Variants in SOX5 observed in about 807,000 individuals in gnomAD.
The protein encoded by SOX5 is SRY-box transcription factor 5.
A neutral mutation model predicts 92.0 loss-of-function variants in SOX5; 9 were observed. The observed-to-expected ratio is 0.10, with a 90% CI of 0.06 to 0.17. The LOEUF (loss-of-function observed/expected upper bound fraction) is 0.17, where lower values mean the gene tolerates loss of function less well. Ranked by LOEUF, SOX5 falls within the 10% of genes least tolerant of loss-of-function variation. The probability of loss-of-function intolerance (pLI) is 1.00; values close to 1 mark genes in which losing one functional copy is unlikely to be tolerated. For missense variants in SOX5, 642 were observed against 944.5 expected, an observed-to-expected ratio of 0.68 and a Z score of 4.20; for synonymous variants, 344 against 336.3, an observed-to-expected ratio of 1.02 and a Z score of -0.25.
intron 9 of SOX5, among the ~76,000 whole-genome samples, chr12:23,600,544 TATATATATACAC>T (rs895231855): frequency 6.4e-5 from 8 of 124,476 alleles, no homozygotes; most frequent in South Asian, 2.5e-4. Flanking sequence ...TATATATATA[TATATATATACAC>T]ATACTTGGCT....
intron 4 of SOX5, among the ~76,000 whole-genome samples, chr12:24,011,604 A>G (rs997423989): frequency 4.6e-5 from 7 of 152,174 alleles, no homozygotes; most frequent in Non-Finnish European, 8.8e-5. Flanking sequence ...CTTTGTGGTA[A>G]AAACCTCTTG....
intron 3 of SOX5, among the ~76,000 whole-genome samples, chr12:24,264,372 C>T (rs899360994): frequency 6.6e-6 from 1 of 151,848 alleles, no homozygotes; most frequent in African/African-American, 2.4e-5. Context: ...TATATTTTTC[C>T]TAAAATGTAA....
At chr12:24,132,484 T>C (rs929199771) in intron 4 of SOX5, among the ~76,000 whole-genome samples, 2 of 152,184 alleles carry the variant, frequency 1.3e-5, no homozygotes, top group African/African-American at 4.8e-5. Flanking sequence ...CAGGACTAAA[T>C]GTCCATCGAT....
At chr12:24,197,289 G>A (rs545506720) in intron 4 of SOX5, among the ~76,000 whole-genome samples, 1 of 152,280 alleles carries the variant, frequency 6.6e-6, no homozygotes, top group African/African-American at 2.4e-5. Flanking sequence ...CAGAAGATGA[G>A]TGCCCTTCCA....
At chr12:23,778,071 G>C (rs2095163613) in intron 3 of SOX5, among the ~76,000 whole-genome samples, 1 of 152,136 alleles carries the variant, frequency 6.6e-6, no homozygotes, top group Non-Finnish European at 1.5e-5. Context: ...AATGACAAGG[G>C]CATGATAGTC....
intron 1 of SOX5, among the ~76,000 whole-genome samples, chr12:23,903,945 C>T (rs1234188803): frequency 6.6e-6 from 1 of 152,190 alleles, no homozygotes; most frequent in Non-Finnish European, 1.5e-5. Context: ...ACAACAAACA[C>T]TTTTATTTGA....
chr12:23,817,286 A>G (rs1451410060), intron 3 of SOX5, among the ~76,000 whole-genome samples: 1 of 152,196 alleles, frequency 6.6e-6, no homozygotes, highest in East Asian at 1.9e-4. Flanking sequence ...CAACTTTCCA[A>G]GCATCTTTCT....
rs927361691 is a variant in SOX5 at position 24,212,388 on chromosome 12, C to T, written c.-2+955G>A. Reference sequence around the variant, plus strand: ...CACACTGAAGGACAAAGACATTTATCTCTCTGTATAATGAAAACTGAAAAA... The same window carrying T: ...CACACTGAAGGACAAAGACATTTATTTCTCTGTATAATGAAAACTGAAAAA... On this transcript the variant is annotated intron_variant, in intron 4 of 4. Transcript: ENST00000446891. 3 of 532,876 alleles carry T rather than the reference C, an allele frequency of 5.6e-6. No individual in the cohort carries two copies. In the African/African-American group the frequency reaches 5.8e-5, roughly 10 times the overall value. The allele number at this position is 532,876 out of a possible 1,614,324, so 33.0% of individuals were successfully genotyped here. A position where few individuals can be genotyped will look rare whatever the true frequency, so the allele number is the denominator to read the frequency against.
At chr12:24,390,853 A>G (rs966774223) in intron 1 of SOX5, among the ~76,000 whole-genome samples, 1 of 152,138 alleles carries the variant, frequency 6.6e-6, no homozygotes, top group Admixed American at 6.6e-5. Context: ...GGCTGATTCT[A>G]TATCTTTGCC....
At chr12:24,212,357 T>C (rs983726373) in intron 4 of SOX5, 2 of 527,620 alleles carry the variant, frequency 3.8e-6, no homozygotes, top group Admixed American at 4.0e-5. Context: ...ATTGAAGAGA[T>C]CTGATCACAC....
chr12:23,722,274 A>G (rs970145279), intron 6 of SOX5, among the ~76,000 whole-genome samples: 4 of 152,228 alleles, frequency 2.6e-5, no homozygotes, highest in Non-Finnish European at 5.9e-5. Context: ...TGATTTTATT[A>G]TATAACTATG....
intron 4 of SOX5, among the ~76,000 whole-genome samples, chr12:24,158,492 T>C (rs1251725728): frequency 6.6e-6 from 1 of 152,008 alleles, no homozygotes; most frequent in Non-Finnish European, 1.5e-5. Flanking sequence ...GTAACTTTCT[T>C]GGTATGTCAA....
At chr12:23,718,921 A>G (rs372869795) in intron 6 of SOX5, among the ~76,000 whole-genome samples, 17 of 152,306 alleles carry the variant, frequency 1.1e-4, no homozygotes, top group African/African-American at 4.1e-4. Context: ...ATAAAATATA[A>G]AATTCTAGGG....
At chr12:23,982,128 C>A (rs1485269206) in intron 4 of SOX5, among the ~76,000 whole-genome samples, 1 of 152,168 alleles carries the variant, frequency 6.6e-6, no homozygotes, top group Non-Finnish European at 1.5e-5. Context: ...TGAACCTGAA[C>A]TCCGATTCAA....
chr12:24,115,791 G>T (rs1947923563), intron 4 of SOX5, among the ~76,000 whole-genome samples: 1 of 152,142 alleles, frequency 6.6e-6, no homozygotes, highest in Admixed American at 6.5e-5. Context: ...CTTCACCAAT[G>T]AAAATTAACA....
At chr12:24,402,042 C>T (rs1177926381) in intron 1 of SOX5, among the ~76,000 whole-genome samples, 1 of 152,042 alleles carries the variant, frequency 6.6e-6, no homozygotes, top group Non-Finnish European at 1.5e-5. Flanking sequence ...AAAATAGATG[C>T]CTAGAGAGAG....
intron 3 of SOX5, among the ~76,000 whole-genome samples, chr12:23,792,120 A>T (rs2095484582): frequency 6.6e-6 from 1 of 152,098 alleles, no homozygotes. Flanking sequence ...GCAGGTGTCA[A>T]ACGTGTACAC....
At position 23,586,356 on chromosome 12, in the gene SOX5, G is replaced by A. The variant is rs377663136; in HGVS notation, c.1165-10518C>T. 1.7e-4 allele frequency among the ~76,000 whole-genome samples: 26 copies of A among 152,212 alleles called. No homozygotes were observed. In the East Asian group the frequency reaches 4.8e-3, roughly 28 times the overall value. ...CAAGAGAGTGGTAGGTCATGAGACA[G>A]AAGAAATCTATACACTAGAAGAGAA... On this transcript the variant is annotated intron_variant, in intron 9 of 14. Transcript: ENST00000451604.
intron 3 of SOX5, 150 bp from the exon 4 acceptor site, chr12:23,755,874 A>G: frequency 1.9e-6 from 1 of 534,602 alleles, no homozygotes; most frequent in Non-Finnish European, 3.3e-6. Context: ...GGGGTGGAAA[A>G]AAAGAATGTG....
Sources: gnomAD v4.1 joint callset for allele counts (sites outside exome capture counted in the v4.1 genomes callset) on GRCh38, gnomAD v4.1.1 for gene constraint, MANE v1.5 for transcripts, NCBI Gene and HGNC (gene_info 2026-07-23, HGNC 2026-07-21) for gene names.